MARCHF1: variants seen among roughly 807,000 people sequenced by gnomAD.
The protein encoded by MARCHF1 is membrane associated ring-CH-type finger 1.
Under a neutral mutation model 54.2 loss-of-function variants are expected in MARCHF1, and 40 were observed. That is an observed-to-expected ratio of 0.74 (90% CI 0.57 to 0.96). The LOEUF (loss-of-function observed/expected upper bound fraction) is 0.96. MARCHF1 is among the 40% of genes least tolerant of loss of function. The probability of loss-of-function intolerance (pLI) is 0.00; values close to 1 mark genes in which losing one functional copy is unlikely to be tolerated. For synonymous variants in MARCHF1, 236 were observed against 236.3 expected, an observed-to-expected ratio of 1.00 and a Z score of 0.01; for missense variants, 586 against 656.5, an observed-to-expected ratio of 0.89 and a Z score of 1.17.
chr4:163,679,397 G>A lies in MARCHF1; in HGVS notation c.162+21416C>T, dbSNP rs180760865. ...ACTTAACGCTTTTTTAGCAGTAGAT[G>A]GCAGCACGTGGCCCCACATCTTCAT... On this transcript the variant is annotated intron_variant, in intron 5 of 9. Coordinates refer to ENST00000514618, the MANE Select transcript of MARCHF1 (RefSeq NM_001394959.1). Among the ~76,000 whole-genome samples, 11 of 152,182 alleles carry A rather than the reference G, an allele frequency of 7.2e-5. No individual in the cohort carries two copies. The East Asian group carries it at 2.1e-3, about 29-fold the overall frequency.
intron 4 of MARCHF1, among the ~76,000 whole-genome samples, chr4:163,710,487 G>C (rs749599205): frequency 6.6e-6 from 1 of 152,010 alleles, no homozygotes; most frequent in Non-Finnish European, 1.5e-5. Context: ...ATCTAAAGAA[G>C]AGCTCCCTTT....
intron 2 of MARCHF1, among the ~76,000 whole-genome samples, chr4:164,105,662 G>C (rs78947999): frequency 0.71 from 45,927 of 65,144 alleles, 18,073 homozygotes; most frequent in Non-Finnish European, 0.83. Flanking sequence ...CATAAAAACC[G>C]TAGAAGAAAA....
At chr4:164,012,526 T>TAGCAGC (rs1026146151) in intron 2 of MARCHF1, among the ~76,000 whole-genome samples, 3 of 151,986 alleles carry the variant, frequency 2.0e-5, no homozygotes, top group African/African-American at 7.3e-5. Flanking sequence ...TTTGAGTAAA[T>TAGCAGC]AGCAGCAGCA....
intron 2 of MARCHF1, among the ~76,000 whole-genome samples, chr4:164,053,864 G>A (rs536456936): frequency 6.6e-6 from 1 of 152,274 alleles, no homozygotes; most frequent in Non-Finnish European, 1.5e-5. Context: ...AATAGGCATG[G>A]GCAAGGACTT....
At chr4:164,308,399 ATTG>A in intron 1 of MARCHF1, among the ~76,000 whole-genome samples, 1 of 152,196 alleles carries the variant, frequency 6.6e-6, no homozygotes, top group African/African-American at 2.4e-5. Context: ...TAATAATCAT[ATTG>A]TTGTTGGGAT....
chr4:164,250,020 G>A (rs1442525127), intron 1 of MARCHF1, among the ~76,000 whole-genome samples: 2 of 152,052 alleles, frequency 1.3e-5, no homozygotes, highest in African/African-American at 2.4e-5. Context: ...TGGTGAAACC[G>A]AGGTAGTTGA....
intron 5 of MARCHF1, among the ~76,000 whole-genome samples, chr4:163,632,797 C>A (rs991742067): frequency 6.6e-6 from 1 of 152,232 alleles, no homozygotes; most frequent in African/African-American, 2.4e-5. Context: ...GGGGGCAGGT[C>A]ACAGACAAAC....
At chr4:163,625,593 C>G (rs550906489) in intron 5 of MARCHF1, among the ~76,000 whole-genome samples, 4 of 152,154 alleles carry the variant, frequency 2.6e-5, no homozygotes, top group African/African-American at 9.6e-5. Flanking sequence ...CGCATCACAG[C>G]GAACAAAAAA....
chr4:163,795,454 T>C (rs1747887959), intron 4 of MARCHF1, among the ~76,000 whole-genome samples: 1 of 152,202 alleles, frequency 6.6e-6, no homozygotes, highest in Non-Finnish European at 1.5e-5. Flanking sequence ...GGTCTCGAAC[T>C]CCCAGCCTCA....
intron 5 of MARCHF1, among the ~76,000 whole-genome samples, chr4:163,616,765 T>C: frequency 6.6e-6 from 1 of 151,970 alleles, no homozygotes; most frequent in Middle Eastern, 3.2e-3. Context: ...TTCACCAGAA[T>C]GTGTGAGGAT....
chr4:164,107,820 A>T (rs1219174603), intron 2 of MARCHF1, among the ~76,000 whole-genome samples: 1 of 152,046 alleles, frequency 6.6e-6, no homozygotes, highest in African/African-American at 2.4e-5. Flanking sequence ...GATAATACAA[A>T]AAAAAAGAGA....
intron 4 of MARCHF1, among the ~76,000 whole-genome samples, chr4:163,771,307 T>C (rs914222377): frequency 1.3e-5 from 2 of 152,144 alleles, no homozygotes; most frequent in African/African-American, 4.8e-5. Context: ...TGGTCCAAAA[T>C]GTCAATAGTG....
intron 3 of MARCHF1, among the ~76,000 whole-genome samples, chr4:163,879,944 T>A (rs1276840928): frequency 6.6e-6 from 1 of 152,096 alleles, no homozygotes; most frequent in East Asian, 1.9e-4. Context: ...TTCCAATTCA[T>A]GATACCTAAG....
At chr4:163,610,590 C>T (rs1473241658) in intron 7 of MARCHF1, among the ~76,000 whole-genome samples, 1 of 152,190 alleles carries the variant, frequency 6.6e-6, no homozygotes, top group East Asian at 1.9e-4. Flanking sequence ...GGAATGACAA[C>T]AGATGGTTGC....
intron 5 of MARCHF1, among the ~76,000 whole-genome samples, chr4:163,666,688 T>C (rs951291099): frequency 1.3e-5 from 2 of 151,986 alleles, no homozygotes; most frequent in African/African-American, 4.8e-5. Context: ...GAAGATGTCT[T>C]GTCACAAGAA....
chr4:164,123,998 T>A (rs913743841), intron 1 of MARCHF1, among the ~76,000 whole-genome samples: 6 of 152,010 alleles, frequency 3.9e-5, no homozygotes, highest in African/African-American at 1.5e-4. Context: ...TTGCAAACTA[T>A]GCATCTGACA....
At chr4:163,700,884 C>A (rs1467352910) in intron 4 of MARCHF1, 21 bp from the exon 5 acceptor site, 1 of 1,518,460 alleles carries the variant, frequency 6.6e-7, no homozygotes, top group Admixed American at 2.0e-5. Context: ...AAATGGGAAA[C>A]ATTAATTAAA....
intron 3 of MARCHF1, among the ~76,000 whole-genome samples, chr4:163,966,563 T>C (rs377079482): frequency 1.4e-4 from 22 of 152,194 alleles, no homozygotes; most frequent in African/African-American, 4.8e-4. Context: ...TAACAGGCAG[T>C]CAATAAATAT....
At chr4:164,186,960 T>G (rs1730985968) in intron 1 of MARCHF1, among the ~76,000 whole-genome samples, 1 of 152,186 alleles carries the variant, frequency 6.6e-6, no homozygotes, top group Non-Finnish European at 1.5e-5. Context: ...TTTATAAGTA[T>G]TATTACTATT....
Sources: allele counts gnomAD v4.1 joint callset (sites outside exome capture counted in the v4.1 genomes callset), GRCh38; gene constraint gnomAD v4.1.1; transcripts MANE v1.5; gene names NCBI Gene and HGNC (gene_info 2026-07-23, HGNC 2026-07-21).